BRD10: variants seen among roughly 807,000 people sequenced by gnomAD.
BRD10 encodes the protein bromodomain containing 10, also known as uncharacterized bromodomain-containing protein 10.
At chr9:5,942,913 T>C in the BRD10 span, among the ~76,000 whole-genome samples, 1 of 152,226 alleles carries the variant, frequency 6.6e-6, no homozygotes, top group Non-Finnish European at 1.5e-5. Flanking sequence ...GCTCTGGTTC[T>C]GTTGCCCAGG....
the BRD10 span, chr9:5,968,202 G>C: frequency 6.2e-7 from 1 of 1,612,312 alleles, no homozygotes; most frequent in Non-Finnish European, 8.5e-7. Context: ...ATTTTAGTTA[G>C]TTTGAGTTTC....
chr9:5,935,120 A>G, the BRD10 span, among the ~76,000 whole-genome samples: 2 of 152,208 alleles, frequency 1.3e-5, no homozygotes, highest in African/African-American at 2.4e-5. Flanking sequence ...AAAAAAGTTA[A>G]AAAGTACTTT....
At chr9:5,968,131 T>C in the BRD10 span, 2 of 1,579,936 alleles carry the variant, frequency 1.3e-6, no homozygotes, top group Non-Finnish European at 1.7e-6. Flanking sequence ...GCTTTCTCTG[T>C]AAGTTTTCAT....
At chr9:5,958,231 C>T in the BRD10 span, among the ~76,000 whole-genome samples, 19 of 151,972 alleles carry the variant, frequency 1.3e-4, no homozygotes, top group Non-Finnish European at 1.9e-4. Context: ...GAATGCCCAA[C>T]CTGAGAGGGA....
the BRD10 span, among the ~76,000 whole-genome samples, chr9:5,959,258 C>A: frequency 6.6e-6 from 1 of 152,138 alleles, no homozygotes; most frequent in Non-Finnish European, 1.5e-5. Flanking sequence ...CATCTTACCC[C>A]TGCCAGCTTC....
chr9:5,905,290 G>A, the BRD10 span, among the ~76,000 whole-genome samples: 1 of 152,058 alleles, frequency 6.6e-6, no homozygotes, highest in Non-Finnish European at 1.5e-5. Flanking sequence ...GGACCCCAGG[G>A]AAACCTGAAA....
At chr9:5,939,254 T>C in the BRD10 span, among the ~76,000 whole-genome samples, 1 of 152,128 alleles carries the variant, frequency 6.6e-6, no homozygotes, top group African/African-American at 2.4e-5. Flanking sequence ...TACTATTACA[T>C]GTGTAATAAG....
the BRD10 span, among the ~76,000 whole-genome samples, chr9:5,881,896 G>A: frequency 1.3e-5 from 2 of 152,192 alleles, no homozygotes; most frequent in African/African-American, 4.8e-5. Context: ...GGCAGGCTCT[G>A]CGCCAAGCAA....
the BRD10 span, among the ~76,000 whole-genome samples, chr9:5,927,304 T>C: frequency 6.6e-6 from 1 of 152,214 alleles, no homozygotes; most frequent in Non-Finnish European, 1.5e-5. Context: ...TCCATTTAAA[T>C]GCATCCTCTT....
the BRD10 span, among the ~76,000 whole-genome samples, chr9:5,915,812 C>T: frequency 6.6e-6 from 1 of 152,184 alleles, no homozygotes; most frequent in Non-Finnish European, 1.5e-5. Context: ...ACATCTTCTA[C>T]ATTATATGGT....
chr9:5,950,080 G>A, the BRD10 span, among the ~76,000 whole-genome samples: 8 of 152,056 alleles, frequency 5.3e-5, no homozygotes, highest in Non-Finnish European at 7.4e-5. Context: ...AGGGATAAAC[G>A]TAAGTTTTCA....
chr9:5,953,895 G>C, the BRD10 span: 1 of 671,864 alleles, frequency 1.5e-6, no homozygotes, highest in African/African-American at 1.8e-5. Flanking sequence ...GTCACTGTCA[G>C]AAACATTTCA....
At chr9:5,880,711 T>C in the BRD10 span, among the ~76,000 whole-genome samples, 13 of 151,180 alleles carry the variant, frequency 8.6e-5, no homozygotes, top group Non-Finnish European at 1.6e-4. Flanking sequence ...TACTTTTTTT[T>C]TTTTTTTCCC....
chr9:5,951,509 A>G, the BRD10 span, among the ~76,000 whole-genome samples: 1 of 152,192 alleles, frequency 6.6e-6, no homozygotes, highest in Non-Finnish European at 1.5e-5. Flanking sequence ...GAATAATATG[A>G]AGATCTTCTG....
chr9:5,919,632 G>A, the BRD10 span: 1 of 1,486,854 alleles, frequency 6.7e-7, no homozygotes, highest in East Asian at 2.4e-5. Flanking sequence ...AAATTTTTAT[G>A]GGAGTCAAAA....
the BRD10 span, among the ~76,000 whole-genome samples, chr9:5,957,026 T>C: frequency 6.6e-6 from 1 of 152,098 alleles, no homozygotes; most frequent in South Asian, 2.1e-4. Context: ...AAGTCTACTT[T>C]ATAGTGAAGA....
At chr9:5,916,868 C>T in the BRD10 span, among the ~76,000 whole-genome samples, 1 of 152,054 alleles carries the variant, frequency 6.6e-6, no homozygotes, top group Non-Finnish European at 1.5e-5. Flanking sequence ...TTTACAGAAC[C>T]CTTAATAACA....
chr9:5,911,494 TC>T, the BRD10 span, among the ~76,000 whole-genome samples: 2 of 151,496 alleles, frequency 1.3e-5, no homozygotes, highest in African/African-American at 4.8e-5. Flanking sequence ...ATGTGATCCT[TC>T]CAGTTTTGTT....
the BRD10 span, among the ~76,000 whole-genome samples, chr9:5,924,179 G>T: frequency 6.6e-6 from 1 of 152,114 alleles, no homozygotes; most frequent in African/African-American, 2.4e-5. Flanking sequence ...ATTTCAAAGG[G>T]ATTACAGATC....
Sources: allele counts gnomAD v4.1 joint callset (sites outside exome capture counted in the v4.1 genomes callset), GRCh38; gene constraint gnomAD v4.1.1; transcripts MANE v1.5; gene names NCBI Gene and HGNC (gene_info 2026-07-23, HGNC 2026-07-21).